Variants in TMEM217 observed in about 807,000 individuals in gnomAD.
The protein encoded by TMEM217 is chromosome 6 open reading frame 128.
For missense variants in TMEM217, 204 were observed against 248.8 expected (o/e 0.82, Z 1.21); for synonymous variants, 76 against 88.3 (o/e 0.86, Z 0.78).
chr6:37,250,705 A>G (rs549169219), intron 1 of TMEM217, among the ~76,000 whole-genome samples: 90 of 152,370 alleles, frequency 5.9e-4, no homozygotes, highest in African/African-American at 2.1e-3. Flanking sequence ...GTGTGCACGC[A>G]CACACACACG....
chr6:37,244,589 T>G (rs1583482022), intron 1 of TMEM217, among the ~76,000 whole-genome samples: 2 of 152,316 alleles, frequency 1.3e-5, no homozygotes, highest in South Asian at 2.1e-4. Context: ...AAGTGCCAAC[T>G]CTTGGCTGAT....
At chr6:37,235,505 A>G (rs1481914124) in intron 1 of TMEM217, among the ~76,000 whole-genome samples, 1 of 151,994 alleles carries the variant, frequency 6.6e-6, no homozygotes, top group Non-Finnish European at 1.5e-5. Flanking sequence ...AGCTGGGACT[A>G]CAGGCACCCG....
downstream of TMEM217, among the ~76,000 whole-genome samples, chr6:37,214,389 A>G (rs537907654): frequency 1.2e-4 from 19 of 152,022 alleles, no homozygotes; most frequent in Non-Finnish European, 2.1e-4. Context: ...CAGCATGCCC[A>G]GCTAATTTTT....
downstream of TMEM217, chr6:37,215,186 T>C (rs1763116135): frequency 3.1e-6 from 5 of 1,613,076 alleles, no homozygotes; most frequent in Non-Finnish European, 3.4e-6. Flanking sequence ...ATTCTATTCA[T>C]TCAATACTCA....
intron 1 of TMEM217, among the ~76,000 whole-genome samples, chr6:37,250,464 C>T (rs907637476): frequency 1.6e-4 from 24 of 152,136 alleles, no homozygotes; most frequent in Admixed American, 7.2e-4. Flanking sequence ...GGATGTGGAG[C>T]AATGTAAACT....
intron 1 of TMEM217, among the ~76,000 whole-genome samples, chr6:37,248,913 T>C (rs896129836): frequency 5.3e-5 from 8 of 152,230 alleles, no homozygotes; most frequent in African/African-American, 1.9e-4. Flanking sequence ...AAACTCATGC[T>C]TCAAAGTCTC....
chr6:37,232,763 A>G (rs1764276227), intron 1 of TMEM217, among the ~76,000 whole-genome samples: 1 of 152,132 alleles, frequency 6.6e-6, no homozygotes, highest in South Asian at 2.1e-4. Context: ...CCCTCCGCGG[A>G]ATCTTCCATT....
At chr6:37,243,777 G>T (rs1032991864) in intron 1 of TMEM217, among the ~76,000 whole-genome samples, 8 of 152,122 alleles carry the variant, frequency 5.3e-5, no homozygotes, top group Non-Finnish European at 7.4e-5. Context: ...GTTTTTCGAG[G>T]ATAGTTTGGT....
exon 1 of TMEM217, chr6:37,257,841 C>T: frequency 2.6e-6 from 4 of 1,536,150 alleles, no homozygotes; most frequent in Non-Finnish European, 3.5e-6. Context: ...TGGGTTGGCC[C>T]TCAGATTGCG....
rs1425850577 is a variant in TMEM217 at position 37,226,543 on chromosome 6, C to T, written c.-11-7502G>A. Among the ~76,000 whole-genome samples the T allele has an allele frequency of 9.9e-5, 15 of 151,174 alleles. No homozygotes were observed. In the East Asian group the frequency reaches 1.4e-3, roughly 14 times the overall value. ...CGATCTCCTGACCTCGTGATCCGCC[C>T]GCCTCGGCCACCCAAAGTGCTGGGA... is the stretch of plus-strand genomic sequence containing the variant. On this transcript the variant is annotated intron_variant, in intron 1 of 1. Coordinates refer to ENST00000357219, the Ensembl canonical transcript of TMEM217.
chr6:37,229,391 GGAGTGCAGCGGCGC>G (rs1764063884), intron 1 of TMEM217, among the ~76,000 whole-genome samples: 1 of 130,694 alleles, frequency 7.7e-6, no homozygotes. Flanking sequence ...CGCCCAGGCT[GGAGTGCAGCGGCGC>G]GATCTCGGCT....
chr6:37,243,014 A>C (rs1387343957), intron 1 of TMEM217, among the ~76,000 whole-genome samples: 2 of 152,198 alleles, frequency 1.3e-5, no homozygotes, highest in Non-Finnish European at 2.9e-5. Context: ...TGGGAAAGCA[A>C]GTTTCTGGCA....
chr6:37,255,936 A>G (rs1765698703), intron 1 of TMEM217, among the ~76,000 whole-genome samples: 1 of 152,254 alleles, frequency 6.6e-6, no homozygotes, highest in Non-Finnish European at 1.5e-5. Context: ...AACAAACTGT[A>G]GAAATAACAG....
chr6:37,244,028 G>C (rs1764935279), intron 1 of TMEM217, among the ~76,000 whole-genome samples: 1 of 152,220 alleles, frequency 6.6e-6, no homozygotes, highest in African/African-American at 2.4e-5. Context: ...AACTGGGGAA[G>C]TTACAAATTT....
At chr6:37,238,048 A>G (rs1764583445) in intron 1 of TMEM217, among the ~76,000 whole-genome samples, 1 of 152,172 alleles carries the variant, frequency 6.6e-6, no homozygotes, top group Non-Finnish European at 1.5e-5. Context: ...ATTATTTACA[A>G]TAACTAATAT....
chr6:37,218,769 C>T (rs1583431922), exon 2 of TMEM217: 2 of 1,614,140 alleles, frequency 1.2e-6, no homozygotes, highest in East Asian at 2.2e-5. Context: ...AAGATCTGGG[C>T]ATACACTGAG....
intron 1 of TMEM217, among the ~76,000 whole-genome samples, chr6:37,239,289 GA>G (rs1466679797): frequency 6.6e-6 from 1 of 152,078 alleles, no homozygotes; most frequent in African/African-American, 2.4e-5. Context: ...AGGAGTTTGA[GA>G]CTAGCCTGGG....
chr6:37,241,826 G>A (rs1252302930), intron 1 of TMEM217, among the ~76,000 whole-genome samples: 1 of 152,076 alleles, frequency 6.6e-6, no homozygotes, highest in African/African-American at 2.4e-5. Flanking sequence ...AAAAGTTATT[G>A]AGATAATTTA....
intron 1 of TMEM217, among the ~76,000 whole-genome samples, chr6:37,243,011 G>A (rs1764854045): frequency 6.6e-6 from 1 of 152,162 alleles, no homozygotes; most frequent in Admixed American, 6.5e-5. Flanking sequence ...GGCTGGGAAA[G>A]CAAGTTTCTG....
Sources: gnomAD v4.1 joint callset for allele counts (sites outside exome capture counted in the v4.1 genomes callset) on GRCh38, gnomAD v4.1.1 for gene constraint, MANE v1.5 for transcripts, NCBI Gene and HGNC (gene_info 2026-07-23, HGNC 2026-07-21) for gene names.